DMXL2: variants seen among roughly 807,000 people sequenced by gnomAD.
The protein encoded by DMXL2 is dmX-like protein 2.
A neutral mutation model predicts 331.1 loss-of-function variants in DMXL2; 103 were observed. The observed-to-expected ratio is 0.31, with a 90% CI of 0.27 to 0.37. The LOEUF (loss-of-function observed/expected upper bound fraction) is 0.37, where lower values mean the gene tolerates loss of function less well. Ranked by LOEUF, DMXL2 falls within the 10% of genes least tolerant of loss-of-function variation. The pLI, the probability that DMXL2 is intolerant of heterozygous loss-of-function variation, is 1.00. For synonymous variants in DMXL2, 1,281 were observed against 1,252.1 expected (o/e 1.02, Z -0.49); for missense variants, 3,171 against 3,642.9 (o/e 0.87, Z 3.33).
chr15:51,549,276 C>G lies in DMXL2; in HGVS notation c.568-1868G>C, dbSNP rs148465593. Among the ~76,000 whole-genome samples the G allele has an allele frequency of 3.1e-3, 479 of 152,116 alleles. 4 individuals carry two copies. Among genetic ancestry groups the G allele is most frequent in the African/African-American group, 0.011 (462 of 41,514 alleles). On this transcript the variant is annotated intron_variant, in intron 6 of 43. Coordinates refer to ENST00000560891, the MANE Select transcript of DMXL2 (RefSeq NM_001378457.1). ...GTCTCCAATTCCATCCAGGTTGCTG[C>G]GAATGTCATTTCATTCCTTTTTATG...
At chr15:51,501,919 C>CAAA (rs751293392) in intron 17 of DMXL2, among the ~76,000 whole-genome samples, 3 of 86,772 alleles carry the variant, frequency 3.5e-5, no homozygotes, top group Admixed American at 1.3e-4. Flanking sequence ...AACTCCATCT[C>CAAA]AAAAAAAAAA....
Position 51,563,326 on chromosome 15 carries a change from A to C in DMXL2, c.567+55T>G, listed in dbSNP as rs1197089275. ...AAACTGAAAATAAAAATAAATAAGG[A>C]ACATTTTAAATTCTTTTATTTGTTT... On this transcript the variant is annotated intron_variant, in intron 6 of 43. Transcript: ENST00000560891. 14 of 1,358,686 alleles carry C rather than the reference A, an allele frequency of 1.0e-5. 1 individual carries two copies. The highest frequency in any genetic ancestry group is 1.3e-5 in the Non-Finnish European group (13 of 978,118). The allele number at this position is 1,358,686 out of a possible 1,614,324, so 84.2% of individuals were successfully genotyped here.
At chr15:51,474,905 G>A (rs917640803) in intron 27 of DMXL2, among the ~76,000 whole-genome samples, 1 of 151,972 alleles carries the variant, frequency 6.6e-6, no homozygotes, top group Non-Finnish European at 1.5e-5. Context: ...TAACCCCACA[G>A]TAATACCTGA....
intron 15 of DMXL2, among the ~76,000 whole-genome samples, chr15:51,507,783 T>C (rs533736602): frequency 4.0e-5 from 6 of 150,094 alleles, no homozygotes; most frequent in South Asian, 2.1e-4. Flanking sequence ...TAAACATTCA[T>C]CCTGCTTTTC....
chr15:51,465,746 C>T, intron 30 of DMXL2, 95 bp from the exon 31 acceptor site: 1 of 883,808 alleles, frequency 1.1e-6, no homozygotes, highest in Non-Finnish European at 1.7e-6. Context: ...GCCCACTCTC[C>T]AACCCAGAAA....
At chr15:51,503,806 A>C (rs958795768) in intron 16 of DMXL2, among the ~76,000 whole-genome samples, 4 of 152,218 alleles carry the variant, frequency 2.6e-5, no homozygotes, top group African/African-American at 9.6e-5. Flanking sequence ...TGCATGTATA[A>C]AAATATCACA....
intron 40 of DMXL2, among the ~76,000 whole-genome samples, chr15:51,454,666 T>G (rs1445833652): frequency 6.6e-6 from 1 of 152,062 alleles, no homozygotes; most frequent in Non-Finnish European, 1.5e-5. Context: ...CTGGCTAATT[T>G]TTGTATTTTT....
chr15:51,547,493 A>C (rs2048950818), intron 6 of DMXL2, 85 bp from the exon 7 acceptor site: 1 of 951,648 alleles, frequency 1.1e-6, no homozygotes, highest in Non-Finnish European at 1.5e-6. Flanking sequence ...TTAAAAATTA[A>C]GTTACATCTA....
chr15:51,455,625 A>G (rs1348460850), intron 39 of DMXL2, among the ~76,000 whole-genome samples: 1 of 152,170 alleles, frequency 6.6e-6, no homozygotes, highest in East Asian at 1.9e-4. Flanking sequence ...GCTGGAGTTC[A>G]AGCAATCCTC....
chr15:51,470,464 A>C (rs971191079), intron 29 of DMXL2, among the ~76,000 whole-genome samples: 1 of 152,092 alleles, frequency 6.6e-6, no homozygotes. Flanking sequence ...AAAGCTTCCA[A>C]ACTCATGTTG....
At chr15:51,564,329 T>C in intron 4 of DMXL2, 69 bp from the exon 5 acceptor site, 1 of 1,187,296 alleles carries the variant, frequency 8.4e-7, no homozygotes. Context: ...CATGGGCTTC[T>C]GTTTAGATCT....
chr15:51,454,684 A>G (rs1229331500), intron 40 of DMXL2, among the ~76,000 whole-genome samples: 1 of 152,040 alleles, frequency 6.6e-6, no homozygotes, highest in African/African-American at 2.4e-5. Context: ...TTTAGTAGAG[A>G]GGGGGTTTCA....
chr15:51,505,768 TTC>T (rs1437057886), intron 16 of DMXL2, among the ~76,000 whole-genome samples: 1 of 152,238 alleles, frequency 6.6e-6, no homozygotes, highest in African/African-American at 2.4e-5. Flanking sequence ...GTACAAATTA[TTC>T]TTTCACTGTA....
At chr15:51,497,862 C>T (rs1312715357) in intron 18 of DMXL2, among the ~76,000 whole-genome samples, 7 of 152,116 alleles carry the variant, frequency 4.6e-5, no homozygotes, top group Non-Finnish European at 8.8e-5. Flanking sequence ...CAATAAGCCT[C>T]ATGATTCCAT....
intron 1 of DMXL2, among the ~76,000 whole-genome samples, chr15:51,604,525 A>C (rs1027045360): frequency 1.3e-5 from 2 of 152,204 alleles, no homozygotes; most frequent in Non-Finnish European, 2.9e-5. Context: ...ATTTTAACAT[A>C]GGTCTGAAAA....
At chr15:51,515,155 G>A (rs1202253989) in intron 14 of DMXL2, among the ~76,000 whole-genome samples, 1 of 152,144 alleles carries the variant, frequency 6.6e-6, no homozygotes, top group Non-Finnish European at 1.5e-5. Context: ...TCGAAGGATG[G>A]ATGAAACATC....
intron 1 of DMXL2, among the ~76,000 whole-genome samples, chr15:51,601,290 C>CAAA (rs200188441): frequency 2.5e-4 from 24 of 96,612 alleles, no homozygotes; most frequent in African/African-American, 5.2e-4. Context: ...GACTCCATCT[C>CAAA]AAAAAAAAAA....
At chr15:51,483,904 C>A (rs2042200705) in intron 23 of DMXL2, among the ~76,000 whole-genome samples, 1 of 151,370 alleles carries the variant, frequency 6.6e-6, no homozygotes, top group African/African-American at 2.4e-5. Context: ...AGTCTCAGAC[C>A]TGAGAAATAG....
At chr15:51,579,232 A>G (rs1490697614) in intron 1 of DMXL2, among the ~76,000 whole-genome samples, 3 of 152,210 alleles carry the variant, frequency 2.0e-5, no homozygotes, top group Non-Finnish European at 4.4e-5. Context: ...GTTGAACCAG[A>G]GTTACGCAAT....
Sources: allele counts gnomAD v4.1 joint callset (sites outside exome capture counted in the v4.1 genomes callset), GRCh38; gene constraint gnomAD v4.1.1; transcripts MANE v1.5; gene names NCBI Gene and HGNC (gene_info 2026-07-23, HGNC 2026-07-21).